HEMK2: variants seen among roughly 807,000 people sequenced by gnomAD.
HEMK2 encodes HemK methyltransferase 2, ETF1 glutamine and histone H4 lysine.
chr21:28,749,791 T>G, the HEMK2 span, among the ~76,000 whole-genome samples: 1 of 152,300 alleles, frequency 6.6e-6, no homozygotes, highest in East Asian at 1.9e-4. Flanking sequence ...TGTAAGAAAT[T>G]AAAATGAACA....
the HEMK2 span, among the ~76,000 whole-genome samples, chr21:28,791,224 AT>A: frequency 6.6e-6 from 1 of 152,256 alleles, no homozygotes; most frequent in East Asian, 1.9e-4. Context: ...AGGCATCAAT[AT>A]TTTAAAAAGT....
the HEMK2 span, among the ~76,000 whole-genome samples, chr21:28,730,560 C>G: frequency 2.0e-5 from 3 of 152,280 alleles, no homozygotes; most frequent in South Asian, 6.2e-4. Flanking sequence ...CTTCCACACT[C>G]ACTCATGTGG....
the HEMK2 span, among the ~76,000 whole-genome samples, chr21:28,608,927 C>G: frequency 5.0e-4 from 76 of 152,252 alleles, 1 homozygote; most frequent in Admixed American, 1.0e-3. Context: ...AGAGTCTGAC[C>G]TCAGAAATGC....
At chr21:28,606,058 A>G in the HEMK2 span, among the ~76,000 whole-genome samples, 1 of 152,202 alleles carries the variant, frequency 6.6e-6, no homozygotes, top group Non-Finnish European at 1.5e-5. Context: ...TAATAAAAAG[A>G]GAAACTGCAG....
At chr21:28,839,429 C>G in the HEMK2 span, among the ~76,000 whole-genome samples, 1 of 152,118 alleles carries the variant, frequency 6.6e-6, no homozygotes, top group Non-Finnish European at 1.5e-5. Flanking sequence ...GGAAGTCAAA[C>G]TGTCACTGAT....
the HEMK2 span, among the ~76,000 whole-genome samples, chr21:28,628,381 T>C: frequency 6.6e-6 from 1 of 152,236 alleles, no homozygotes; most frequent in African/African-American, 2.4e-5. Flanking sequence ...TTTGACTGCA[T>C]TATTATAAAT....
the HEMK2 span, among the ~76,000 whole-genome samples, chr21:28,841,155 T>A: frequency 1.4e-4 from 3 of 20,966 alleles, no homozygotes; most frequent in Admixed American, 1.0e-3. Flanking sequence ...TAATTATAAT[T>A]TATATATAAT....
chr21:28,683,937 T>C, the HEMK2 span, among the ~76,000 whole-genome samples: 1 of 152,256 alleles, frequency 6.6e-6, no homozygotes, highest in African/African-American at 2.4e-5. Context: ...TTGGGATATG[T>C]ATCTCCTTGG....
chr21:28,656,186 C>T, the HEMK2 span, among the ~76,000 whole-genome samples: 2 of 151,954 alleles, frequency 1.3e-5, no homozygotes, highest in African/African-American at 2.4e-5. Context: ...GGGGGGGAAG[C>T]CATTTATCTC....
the HEMK2 span, among the ~76,000 whole-genome samples, chr21:28,846,234 T>C: frequency 6.6e-6 from 1 of 152,224 alleles, no homozygotes; most frequent in Non-Finnish European, 1.5e-5. Context: ...TCTTTGCTAT[T>C]GTGAAAAGTG....
the HEMK2 span, among the ~76,000 whole-genome samples, chr21:28,610,492 G>GA: frequency 0.018 from 2,690 of 149,092 alleles, 96 homozygotes; most frequent in African/African-American, 0.063. Flanking sequence ...ACAATACAAT[G>GA]AAAAAAAAAT....
chr21:28,703,361 C>T, the HEMK2 span, among the ~76,000 whole-genome samples: 5 of 151,928 alleles, frequency 3.3e-5, no homozygotes, highest in East Asian at 9.7e-4. Context: ...CCTGTAGGAT[C>T]GCTGGCTGGA....
At chr21:28,687,613 C>T in the HEMK2 span, among the ~76,000 whole-genome samples, 1 of 152,046 alleles carries the variant, frequency 6.6e-6, no homozygotes, top group African/African-American at 2.4e-5. Context: ...TAGAATAAAG[C>T]TTCTCTAACC....
At chr21:28,779,756 A>T in the HEMK2 span, among the ~76,000 whole-genome samples, 2 of 152,140 alleles carry the variant, frequency 1.3e-5, no homozygotes, top group Admixed American at 1.3e-4. Context: ...GCACCAAAGG[A>T]CAATTCCAAG....
chr21:28,864,825 A>C, the HEMK2 span, among the ~76,000 whole-genome samples: 537 of 84,244 alleles, frequency 6.4e-3, 5 homozygotes, highest in African/African-American at 0.015. Context: ...ACAGACAGAT[A>C]GATAGATAGA....
At chr21:28,850,614 A>G in the HEMK2 span, among the ~76,000 whole-genome samples, 4 of 152,214 alleles carry the variant, frequency 2.6e-5, no homozygotes, top group African/African-American at 9.7e-5. Context: ...AGCAAATGCT[A>G]AGGTGATTTC....
the HEMK2 span, among the ~76,000 whole-genome samples, chr21:28,765,221 G>A: frequency 7.2e-5 from 11 of 152,046 alleles, no homozygotes; most frequent in Non-Finnish European, 1.0e-4. Flanking sequence ...TTCTACCAAC[G>A]ACCACATGAG....
At chr21:28,658,738 T>C in the HEMK2 span, among the ~76,000 whole-genome samples, 1 of 152,134 alleles carries the variant, frequency 6.6e-6, no homozygotes, top group Non-Finnish European at 1.5e-5. Context: ...CCCAAGCTCA[T>C]GACTGACAAA....
At chr21:28,657,888 A>G in the HEMK2 span, among the ~76,000 whole-genome samples, 20 of 152,084 alleles carry the variant, frequency 1.3e-4, no homozygotes, top group African/African-American at 3.9e-4. Context: ...TATTAACTGT[A>G]TAACATGGAT....
Sources: allele counts gnomAD v4.1 joint callset (sites outside exome capture counted in the v4.1 genomes callset), GRCh38; gene constraint gnomAD v4.1.1; transcripts MANE v1.5; gene names NCBI Gene and HGNC (gene_info 2026-07-23, HGNC 2026-07-21).